The following PRKAR1A variants were observed in gnomAD, a reference collection of about 807,000 sequenced individuals.
PRKAR1A encodes cAMP-dependent protein kinase type I-alpha regulatory subunit.
In PRKAR1A, 3 loss-of-function variants were observed where a neutral mutation model predicts 52.0. The observed-to-expected ratio is 0.06, with a 90% CI of 0.03 to 0.15. The LOEUF is 0.15. Among genes scored for constraint, PRKAR1A ranks in the 10% least tolerant of loss-of-function variants. The probability of loss-of-function intolerance (pLI) is 1.00; values close to 1 mark genes in which losing one functional copy is unlikely to be tolerated. For missense variants in PRKAR1A, 240 were observed against 477.4 expected, an observed-to-expected ratio of 0.50 and a Z score of 4.63; for synonymous variants, 188 against 168.4, an observed-to-expected ratio of 1.12 and a Z score of -0.90.
intron 11 of PRKAR1A, among the ~76,000 whole-genome samples, chr17:68,550,163 C>A (rs1005043357): frequency 2.0e-5 from 3 of 152,068 alleles, no homozygotes; most frequent in Admixed American, 2.0e-4. Context: ...TGATGACAAC[C>A]AATTCCCCAA....
intron 11 of PRKAR1A, among the ~76,000 whole-genome samples, chr17:68,543,040 C>T (rs568458575): frequency 2.6e-5 from 4 of 152,146 alleles, no homozygotes; most frequent in Non-Finnish European, 5.9e-5. Context: ...TTCCGTCAAG[C>T]CTCCTGGGCA....
In PRKAR1A at chr17:68,533,014, C is replaced by G; in HGVS notation, c.*2565C>G. The G allele has an allele frequency of 9.4e-7, 1 of 1,065,810 alleles. No homozygotes were observed. The highest frequency in any genetic ancestry group is 1.6e-5 in the African/African-American group (1 of 61,214). 66.0% of individuals were successfully genotyped at this position (1,065,810 alleles called of 1,614,324 possible). On this transcript the variant is annotated 3_prime_UTR_variant, in exon 11 of 11. Transcript: ENST00000589228. Reference sequence around the variant, plus strand: ...AGTCATGGAAAGAAAAAAATTCAGTCAAAAGCTAAAGATTTCCTTTTGATT... The same window carrying G: ...AGTCATGGAAAGAAAAAAATTCAGTGAAAAGCTAAAGATTTCCTTTTGATT...
At chr17:68,513,864 C>T (rs1373254466) in intron 1 of PRKAR1A, among the ~76,000 whole-genome samples, 5 of 152,270 alleles carry the variant, frequency 3.3e-5, no homozygotes, top group African/African-American at 1.2e-4. Context: ...AAGACCTGAT[C>T]TTAGAATGAT....
chr17:68,432,698 G>A, the PRKAR1A span, among the ~76,000 whole-genome samples: 28 of 152,178 alleles, frequency 1.8e-4, no homozygotes, highest in African/African-American at 6.5e-4. Context: ...TCCATCCAAG[G>A]GTACCAGCAA....
At chr17:68,494,204 C>T in the PRKAR1A span, among the ~76,000 whole-genome samples, 1 of 152,126 alleles carries the variant, frequency 6.6e-6, no homozygotes, top group Non-Finnish European at 1.5e-5. Context: ...GGTTTAATTC[C>T]CTTCCCCTTG....
At chr17:68,530,160 T>C in intron 10 of PRKAR1A, 117 bp from the exon 11 acceptor site, 1 of 1,496,726 alleles carries the variant, frequency 6.7e-7, no homozygotes, top group South Asian at 1.1e-5. Flanking sequence ...TGATCTTTAC[T>C]CATTTAATGA....
chr17:68,528,695 T>C, intron 8 of PRKAR1A, 175 bp from the exon 9 acceptor site: 1 of 793,354 alleles, frequency 1.3e-6, no homozygotes, highest in Non-Finnish European at 2.0e-6. Flanking sequence ...CTGCAGGCAG[T>C]ATGAGAATCC....
chr17:68,491,094 C>CT, the PRKAR1A span, among the ~76,000 whole-genome samples: 131 of 145,250 alleles, frequency 9.0e-4, no homozygotes, highest in South Asian at 4.6e-3. Flanking sequence ...TTCTTTCTTT[C>CT]TTTTTTTTTT....
chr17:68,432,924 G>T, the PRKAR1A span, among the ~76,000 whole-genome samples: 11 of 152,230 alleles, frequency 7.2e-5, no homozygotes, highest in South Asian at 2.1e-4. Flanking sequence ...CTGCCCTGAA[G>T]TTCTTTTTAC....
chr17:68,434,314 C>A, the PRKAR1A span, among the ~76,000 whole-genome samples: 2 of 152,140 alleles, frequency 1.3e-5, no homozygotes, highest in African/African-American at 4.8e-5. Context: ...CTGTGCCGGC[C>A]GCCCACACAC....
chr17:68,482,936 G>C, the PRKAR1A span, among the ~76,000 whole-genome samples: 27 of 152,298 alleles, frequency 1.8e-4, no homozygotes, highest in Non-Finnish European at 3.8e-4. Flanking sequence ...ATCATATCTG[G>C]ATGTGGCTAA....
chr17:68,487,442 C>T, the PRKAR1A span, among the ~76,000 whole-genome samples: 66 of 152,252 alleles, frequency 4.3e-4, no homozygotes, highest in Non-Finnish European at 8.8e-4. Context: ...CTTAAGCCAA[C>T]GTTTCCTGAC....
the PRKAR1A span, among the ~76,000 whole-genome samples, chr17:68,432,837 T>G: frequency 6.6e-6 from 1 of 152,230 alleles, no homozygotes; most frequent in Non-Finnish European, 1.5e-5. Context: ...CACTGGGGGC[T>G]GCTCCTTTCT....
chr17:68,432,340 T>G, the PRKAR1A span, among the ~76,000 whole-genome samples: 1 of 152,160 alleles, frequency 6.6e-6, no homozygotes, highest in Admixed American at 6.5e-5. Flanking sequence ...AAAAATAGCT[T>G]TCTCCAACTG....
chr17:68,420,192 G>A, the PRKAR1A span: 9 of 1,613,882 alleles, frequency 5.6e-6, no homozygotes, highest in African/African-American at 1.3e-5. Flanking sequence ...TCTCTAGGTG[G>A]AGCCAGGGCG....
At chr17:68,437,005 A>AATATATAT in the PRKAR1A span, among the ~76,000 whole-genome samples, 119 of 107,246 alleles carry the variant, frequency 1.1e-3, no homozygotes, top group African/African-American at 3.3e-3. Flanking sequence ...AAAAAAAAAA[A>AATATATAT]ATATATATAT....
At chr17:68,523,659 G>A (rs910590594) in intron 3 of PRKAR1A, 66 bp from the exon 4 acceptor site, 22 of 1,229,042 alleles carry the variant, frequency 1.8e-5, no homozygotes, top group Admixed American at 1.7e-4. Context: ...TAATTGAAGC[G>A]CAGGTTGCAA....
the PRKAR1A span, among the ~76,000 whole-genome samples, chr17:68,467,865 G>GGTT: frequency 1.6e-3 from 239 of 152,074 alleles, no homozygotes; most frequent in Non-Finnish European, 2.8e-3. Flanking sequence ...ATTATGCAGG[G>GGTT]GTTGTTGTTG....
At chr17:68,517,376 T>G (rs540533127) in intron 2 of PRKAR1A, among the ~76,000 whole-genome samples, 12 of 152,336 alleles carry the variant, frequency 7.9e-5, no homozygotes, top group Admixed American at 5.2e-4. Flanking sequence ...ATACCGAGGC[T>G]GGGTAATTCA....
Sources: allele counts gnomAD v4.1 joint callset (sites outside exome capture counted in the v4.1 genomes callset), GRCh38; gene constraint gnomAD v4.1.1; transcripts MANE v1.5; gene names NCBI Gene and HGNC (gene_info 2026-07-23, HGNC 2026-07-21).